The following AGAP1 variants were observed in gnomAD, a reference collection of about 807,000 sequenced individuals.
AGAP1 encodes ArfGAP with GTPase domain, ankyrin repeat and PH domain 1.
Under a neutral mutation model 105.3 loss-of-function variants are expected in AGAP1, and 29 were observed. That is an observed-to-expected ratio of 0.28 (90% confidence interval 0.21 to 0.38). AGAP1 has a LOEUF of 0.38. AGAP1 is among the 10% of genes least tolerant of loss of function. The pLI is 1.00. For synonymous variants in AGAP1, 509 were observed against 485.9 expected (o/e 1.05, Z -0.63); for missense variants, 998 against 1,165.1 (o/e 0.86, Z 2.09).
chr2:235,954,105 G>A (rs1312757591), intron 12 of AGAP1, among the ~76,000 whole-genome samples: 3 of 152,018 alleles, frequency 2.0e-5, no homozygotes, highest in Admixed American at 2.0e-4. Context: ...CAGGCGTGGT[G>A]GCACATGCCT....
At chr2:235,687,886 C>T (rs1270278886) in intron 1 of AGAP1, among the ~76,000 whole-genome samples, 4 of 139,804 alleles carry the variant, frequency 2.9e-5, no homozygotes, top group Middle Eastern at 3.4e-3. Flanking sequence ...TCTTCTTAAT[C>T]GCCGCTCTCT....
At chr2:235,589,190 T>G (rs13008018) in intron 1 of AGAP1, among the ~76,000 whole-genome samples, 8 of 47,598 alleles carry the variant, frequency 1.7e-4, no homozygotes, top group South Asian at 1.5e-3. Context: ...TAGCTTATTG[T>G]TTTGTTTTTT....
chr2:235,813,327 G>A (rs1001378371), intron 9 of AGAP1, among the ~76,000 whole-genome samples: 1 of 152,222 alleles, frequency 6.6e-6, no homozygotes, highest in Non-Finnish European at 1.5e-5. Context: ...TCCCTTGGCC[G>A]TGAGGGTTGC....
intron 16 of AGAP1, among the ~76,000 whole-genome samples, chr2:236,108,812 C>T (rs935271865): frequency 2.0e-5 from 3 of 152,208 alleles, no homozygotes; most frequent in Non-Finnish European, 2.9e-5. Context: ...ACAGCGGCCC[C>T]TGTGAGGACT....
rs551589706 is a variant in AGAP1 at position 235,865,846 on chromosome 2, G to A, written c.1051-17499G>A. On this transcript the variant is annotated intron_variant, in intron 9 of 17. Transcript: ENST00000304032. This position sits in a 1 kb window ranked among gnomAD's most constrained non-coding sequence, Gnocchi z 6.2. Reference sequence around the variant, plus strand: ...TTACCAAAATTTACCTCCCAGCATCGTGGATGTGAATTTGCCAGAAGTTTT... The same window carrying A: ...TTACCAAAATTTACCTCCCAGCATCATGGATGTGAATTTGCCAGAAGTTTT... Among the ~76,000 whole-genome samples, 5 of 152,330 alleles carry A rather than the reference G, an allele frequency of 3.3e-5. No individual in the cohort carries two copies. The highest frequency in any genetic ancestry group is 2.1e-4 in the South Asian group (1 of 4,830).
rs1952554978 is a variant in AGAP1, at chr2:235,741,087, C to T, written c.396+39C>T. The stretch of plus-strand genomic sequence containing the variant: ...CATGCCCCAAGCCTGCTTTTTTTCC[C>T]TTTGTTTTCTAAGGTTTGATTCAAG... On this transcript the variant is annotated intron_variant, in intron 4 of 17. Coordinates refer to ENST00000304032, the MANE Select transcript of AGAP1 (RefSeq NM_001037131.3). The surrounding 1 kb of genome is among the most constrained non-coding windows in gnomAD (Gnocchi z 4.9). 2 of 1,489,060 alleles carry T rather than the reference C, an allele frequency of 1.3e-6. No individual in the cohort carries two copies. The highest frequency in any genetic ancestry group is 1.8e-6 in the Non-Finnish European group (2 of 1,102,144). The allele number at this position is 1,489,060 out of a possible 1,614,324, so 92.2% of individuals were successfully genotyped here.
intron 3 of AGAP1, among the ~76,000 whole-genome samples, chr2:235,730,204 T>C (rs536853424): frequency 2.0e-5 from 3 of 152,218 alleles, no homozygotes; most frequent in Middle Eastern, 3.4e-3. Flanking sequence ...TCTAAAGTTA[T>C]GTTCACATAG....
chr2:235,930,831 G>A lies in AGAP1; in HGVS notation c.1391G>A (p.Arg464Gln), dbSNP rs377633728. 571 of 1,614,048 alleles carry A rather than the reference G, an allele frequency of 3.5e-4. 9 individuals carry two copies. In the South Asian group the frequency reaches 5.0e-3, roughly 14 times the overall value. Reference protein sequence around the residue: ...SGISLVSFNSRPDGMHQRSYS... With the variant: ...SGISLVSFNSQPDGMHQRSYS... ...ATCAGCCTGGTCTCCTTCAACAGCC[G>A]ACCCGACGGCATGCACCAGCGCTCC... is the stretch of plus-strand genomic sequence containing the variant. The change falls in exon 12 of 18, where the codon CGA becomes CAA. Residue 464 changes from arginine (R) to glutamine (Q), a missense_variant. Physicochemically the swap from Arg to Gln is conservative, Grantham distance 43 (BLOSUM62 1). Coordinates refer to ENST00000304032, the MANE Select transcript of AGAP1 (RefSeq NM_001037131.3). The surrounding 1 kb of genome is among the most constrained non-coding windows in gnomAD (Gnocchi z 7.9).
intron 1 of AGAP1, among the ~76,000 whole-genome samples, chr2:235,707,756 T>C (rs73996316): frequency 0.059 from 8,143 of 138,824 alleles, 1,234 homozygotes; most frequent in African/African-American, 0.22. Flanking sequence ...TGCTCCCCAG[T>C]GTGTGACATG....
rs777063891 is a variant in AGAP1, at chr2:236,100,268, TA to T, written c.2115-19921del. Among the ~76,000 whole-genome samples, 424 of 152,334 alleles carry T rather than the reference TA, an allele frequency of 2.8e-3. 4 individuals carry two copies. Among genetic ancestry groups the T allele is most frequent in the Non-Finnish European group, 4.8e-3 (328 of 68,028 alleles). Reference sequence around the variant, plus strand: ...TCAAAGTCAGTGACATTGAGCAAGTTAAACTCTGTGTCGATGGTAGAAAATA... The same window carrying T: ...TCAAAGTCAGTGACATTGAGCAAGTTAACTCTGTGTCGATGGTAGAAAATA... On this transcript the variant is annotated intron_variant, in intron 16 of 17. Coordinates refer to ENST00000304032, the MANE Select transcript of AGAP1 (RefSeq NM_001037131.3).
At position 235,882,512 on chromosome 2, in the gene AGAP1, A is replaced by G; in HGVS notation, c.1051-833A>G. ...CTGCCATTTTCTTAAAACAATCGGTACCATCCGTGGCGGGCTCTTAGCTCA... is the reference window on the plus strand; with the variant it reads ...CTGCCATTTTCTTAAAACAATCGGTGCCATCCGTGGCGGGCTCTTAGCTCA... On this transcript the variant is annotated intron_variant, in intron 9 of 17. Coordinates refer to ENST00000304032, the MANE Select transcript of AGAP1 (RefSeq NM_001037131.3). The surrounding 1 kb of genome is among the most constrained non-coding windows in gnomAD (Gnocchi z 4.6). 1 of 1,421,324 alleles carries G rather than the reference A, an allele frequency of 7.0e-7. No individual in the cohort carries two copies. The highest frequency in any genetic ancestry group is 9.8e-7 in the Non-Finnish European group (1 of 1,019,696). The allele number at this position is 1,421,324 out of a possible 1,614,324, so 88.0% of individuals were successfully genotyped here. A position where few individuals can be genotyped will look rare whatever the true frequency, so the allele number is the denominator to read the frequency against.
intron 13 of AGAP1, among the ~76,000 whole-genome samples, chr2:235,987,442 A>G (rs2055364255): frequency 1.3e-5 from 2 of 150,028 alleles, no homozygotes; most frequent in Non-Finnish European, 3.0e-5. Flanking sequence ...ATTTTTTTCA[A>G]AAAAACAGCT....
In AGAP1 at chr2:235,663,772, C is replaced by A. The variant is rs1418121557; in HGVS notation, c.164-45407C>A. On this transcript the variant is annotated intron_variant, in intron 1 of 17. Transcript: ENST00000304032. The surrounding 1 kb of genome is among the most constrained non-coding windows in gnomAD (Gnocchi z 5.4). ...TCTTAGGAGAATCCAAATCCGACTT[C>A]CCTGTGCTTTGAGAAGGAATGTCTG... 6.6e-6 allele frequency among the ~76,000 whole-genome samples: 1 copy of A among 152,094 alleles called. No homozygotes were observed. Among genetic ancestry groups the A allele is most frequent in the Admixed American group, 6.6e-5 (1 of 15,256 alleles).
At chr2:235,558,372 C>T (rs1944039791) in intron 1 of AGAP1, among the ~76,000 whole-genome samples, 3 of 152,166 alleles carry the variant, frequency 2.0e-5, no homozygotes, top group Middle Eastern at 6.8e-3. Context: ...TTTTGGTTTC[C>T]CTGTCTCCCA....
At chr2:235,832,133 T>C (rs1213977292) in intron 9 of AGAP1, among the ~76,000 whole-genome samples, 2 of 152,250 alleles carry the variant, frequency 1.3e-5, no homozygotes, top group Admixed American at 6.5e-5. Context: ...TGTTCAGATC[T>C]TCTGCTCATT....
At chr2:235,825,391 C>T (rs1959009286) in intron 9 of AGAP1, among the ~76,000 whole-genome samples, 1 of 152,182 alleles carries the variant, frequency 6.6e-6, no homozygotes, top group African/African-American at 2.4e-5. Flanking sequence ...GTTGGCCGTG[C>T]TTATGGCCTG....
intron 3 of AGAP1, among the ~76,000 whole-genome samples, chr2:235,726,463 T>C (rs1403527040): frequency 6.6e-6 from 1 of 152,182 alleles, no homozygotes; most frequent in African/African-American, 2.4e-5. Context: ...CCTAGAGAAA[T>C]TTTACCCCAA....
At chr2:235,498,302 A>G (rs1411074678) in intron 1 of AGAP1, among the ~76,000 whole-genome samples, 1 of 151,972 alleles carries the variant, frequency 6.6e-6, no homozygotes, top group African/African-American at 2.4e-5. Context: ...TGAGAGGTTT[A>G]TTCCCCCCTC....
In AGAP1 at chr2:235,494,995, C is replaced by T. The variant is rs541413817; in HGVS notation, c.163+146C>T. 4.5e-4 allele frequency: 325 copies of T among 720,628 alleles called. 5 individuals are homozygous for T. In the South Asian group the frequency reaches 0.013, roughly 28 times the overall value. The allele number at this position is 720,628 out of a possible 1,614,324, so 44.6% of individuals were successfully genotyped here. ...GAGGGAGCACTGCGGCGCTGCTTGT[C>T]TTGCAAGGCCGGGCGAGCGTCGCCT... On this transcript the variant is annotated intron_variant, in intron 1 of 17. Coordinates refer to ENST00000304032, the MANE Select transcript of AGAP1 (RefSeq NM_001037131.3).
Sources: gnomAD v4.1 joint callset for allele counts (sites outside exome capture counted in the v4.1 genomes callset) on GRCh38, gnomAD v4.1.1 for gene constraint, Gnocchi (gnomAD v3.1) non-coding constraint, MANE v1.5 for transcripts, NCBI Gene and HGNC (gene_info 2026-07-23, HGNC 2026-07-21) for gene names.